The following WWOX variants were observed in gnomAD, a reference collection of about 807,000 sequenced individuals.
WWOX encodes the protein WW domain-containing oxidoreductase.
A neutral mutation model predicts 46.2 loss-of-function variants in WWOX; 69 were observed. That is an observed-to-expected ratio of 1.49 (90% confidence interval 1.23 to 1.82). WWOX has a LOEUF of 1.82. Among genes scored for constraint, WWOX ranks in the 40% most tolerant of loss-of-function variants. The probability of loss-of-function intolerance (pLI) is 0.00; values close to 1 mark genes in which losing one functional copy is unlikely to be tolerated. For synonymous variants in WWOX, 359 were observed against 202.6 expected (o/e 1.77, Z -6.56); for missense variants, 919 against 542.6 (o/e 1.69, Z -6.89).
chr16:79,160,235 G>C (rs1031298654), intron 8 of WWOX, among the ~76,000 whole-genome samples: 3 of 152,152 alleles, frequency 2.0e-5, no homozygotes, highest in African/African-American at 4.8e-5. Context: ...AGAGTGTTTT[G>C]ATGTATAGAC....
intron 8 of WWOX, among the ~76,000 whole-genome samples, chr16:78,562,475 C>A (rs2738518): frequency 1.3e-5 from 2 of 152,200 alleles, no homozygotes; most frequent in Non-Finnish European, 2.9e-5. Context: ...AGCAAGGCCC[C>A]TAACCTCCCA....
At chr16:79,131,202 G>C (rs1026477193) in intron 8 of WWOX, among the ~76,000 whole-genome samples, 5 of 152,184 alleles carry the variant, frequency 3.3e-5, no homozygotes, top group African/African-American at 1.2e-4. Context: ...GATTCAGCAA[G>C]AAGACTGCTG....
intron 8 of WWOX, among the ~76,000 whole-genome samples, chr16:78,745,030 G>T (rs2142429674): frequency 6.6e-6 from 1 of 152,236 alleles, no homozygotes; most frequent in Non-Finnish European, 1.5e-5. Flanking sequence ...TTTATTCAGT[G>T]TTGGCCAGTG....
chr16:78,140,483 A>G (rs73564583), intron 4 of WWOX, among the ~76,000 whole-genome samples: 5,781 of 152,204 alleles, frequency 0.038, 378 homozygotes, highest in African/African-American at 0.13. Flanking sequence ...AGGTGTTGGT[A>G]GGGCCATACT....
chr16:78,899,834 T>G (rs1465677964), intron 8 of WWOX, among the ~76,000 whole-genome samples: 1 of 152,208 alleles, frequency 6.6e-6, no homozygotes, highest in Non-Finnish European at 1.5e-5. Flanking sequence ...GTGGTCTGTT[T>G]TGTTCCACTG....
At chr16:78,227,892 G>C (rs897593121) in intron 5 of WWOX, among the ~76,000 whole-genome samples, 2 of 151,978 alleles carry the variant, frequency 1.3e-5, no homozygotes, top group African/African-American at 4.8e-5. Context: ...CAAACAAAAA[G>C]AAACATACCG....
intron 8 of WWOX, among the ~76,000 whole-genome samples, chr16:78,602,350 A>G (rs534251984): frequency 2.6e-5 from 4 of 152,106 alleles, no homozygotes; most frequent in Non-Finnish European, 5.9e-5. Flanking sequence ...CTCCTGCCTC[A>G]GCCTCCTGAG....
chr16:79,060,945 C>T (rs73570875), intron 8 of WWOX, among the ~76,000 whole-genome samples: 7,918 of 152,244 alleles, frequency 0.052, 663 homozygotes, highest in African/African-American at 0.18. Flanking sequence ...GTTGTTATTT[C>T]ACTGATGGAA....
At position 79,027,943 on chromosome 16, in the gene WWOX, C is replaced by G. The variant is rs920750628; in HGVS notation, c.1057-183665C>G. Among the ~76,000 whole-genome samples, 72 of 151,646 alleles carry G rather than the reference C, an allele frequency of 4.7e-4. 2 individuals are homozygous for G. The highest frequency in any genetic ancestry group is 1.7e-3 in the African/African-American group (70 of 41,082). Reference sequence around the variant, plus strand: ...GTTTGCTTTATTTTCCTTTGTTTTTCTTTTTTGTTGTTGTTTGTTTGTTTT... The same window carrying G: ...GTTTGCTTTATTTTCCTTTGTTTTTGTTTTTTGTTGTTGTTTGTTTGTTTT... On this transcript the variant is annotated intron_variant, in intron 8 of 8. Transcript: ENST00000566780.
intron 8 of WWOX, among the ~76,000 whole-genome samples, chr16:79,024,680 C>T (rs979577942): frequency 3.3e-5 from 5 of 152,064 alleles, no homozygotes; most frequent in Admixed American, 6.5e-5. Flanking sequence ...CGTGATCTGC[C>T]CACCTCGGCC....
chr16:78,644,276 C>G (rs1389943563), intron 8 of WWOX, among the ~76,000 whole-genome samples: 1 of 152,034 alleles, frequency 6.6e-6, no homozygotes, highest in Non-Finnish European at 1.5e-5. Context: ...CCTGTCCTCC[C>G]CACCCTAAGC....
At chr16:78,513,758 G>C (rs1877284) in intron 8 of WWOX, among the ~76,000 whole-genome samples, 68,905 of 152,080 alleles carry the variant, frequency 0.45, 19,066 homozygotes, top group Non-Finnish European at 0.62. Context: ...CCTCTAAGAA[G>C]GGGAGCGAAT....
intron 8 of WWOX, among the ~76,000 whole-genome samples, chr16:78,511,121 C>T (rs776740067): frequency 2.6e-5 from 4 of 152,158 alleles, no homozygotes; most frequent in African/African-American, 9.7e-5. Context: ...AATTGCAGGT[C>T]CTCCCCTTTC....
chr16:79,137,924 GA>G (rs148984673), intron 8 of WWOX, among the ~76,000 whole-genome samples: 4,168 of 149,446 alleles, frequency 0.028, 208 homozygotes, highest in African/African-American at 0.098. Context: ...ATCAGAGGAA[GA>G]AAAAAAAAAC....
chr16:78,891,392 A>C (rs1007101567), intron 8 of WWOX: 1 of 152,148 alleles, frequency 6.6e-6, no homozygotes, highest in Non-Finnish European at 1.5e-5. Flanking sequence ...AGTTCCTGTT[A>C]CCAGGGAATA....
chr16:78,502,623 C>T (rs2085098405), intron 8 of WWOX, among the ~76,000 whole-genome samples: 1 of 152,178 alleles, frequency 6.6e-6, no homozygotes, highest in South Asian at 2.1e-4. Flanking sequence ...ATAATGCTGC[C>T]ATGAGCATCT....
chr16:78,795,484 A>G (rs147307922), intron 8 of WWOX, among the ~76,000 whole-genome samples: 282 of 149,670 alleles, frequency 1.9e-3, no homozygotes, highest in African/African-American at 6.6e-3. Flanking sequence ...TGGAGTGCTC[A>G]CAAGATCCTC....
chr16:79,065,265 C>A (rs564534298), intron 8 of WWOX, among the ~76,000 whole-genome samples: 69 of 152,176 alleles, frequency 4.5e-4, no homozygotes, highest in African/African-American at 1.6e-3. Flanking sequence ...GACATTATGG[C>A]AGGAAAGAAA....
intron 8 of WWOX, among the ~76,000 whole-genome samples, chr16:78,486,568 T>A (rs1263429726): frequency 1.3e-5 from 2 of 148,714 alleles, no homozygotes; most frequent in Admixed American, 1.3e-4. Context: ...CAGTTTTGTT[T>A]TGTTTTGTTT....
Sources: allele counts gnomAD v4.1 joint callset (sites outside exome capture counted in the v4.1 genomes callset), GRCh38; gene constraint gnomAD v4.1.1; transcripts MANE v1.5; gene names NCBI Gene and HGNC (gene_info 2026-07-23, HGNC 2026-07-21).